ERP44: variants seen among roughly 807,000 people sequenced by gnomAD.
The protein encoded by ERP44 is endoplasmic reticulum resident protein 44.
In ERP44, 25 loss-of-function variants were observed where a neutral mutation model predicts 53.4. That is an observed-to-expected ratio of 0.47 (90% CI 0.34 to 0.65). The LOEUF (loss-of-function observed/expected upper bound fraction) is 0.65, where lower values mean the gene tolerates loss of function less well. Among genes scored for constraint, ERP44 ranks in the 30% least tolerant of loss-of-function variants. The probability of loss-of-function intolerance (pLI) is 0.01; values close to 1 mark genes in which losing one functional copy is unlikely to be tolerated. For synonymous variants in ERP44, 145 were observed against 161.2 expected (o/e 0.90, Z 0.76); for missense variants, 338 against 493.2 (o/e 0.69, Z 2.98).
At chr9:100,026,989 A>G (rs1830660409) in intron 4 of ERP44, among the ~76,000 whole-genome samples, 1 of 152,178 alleles carries the variant, frequency 6.6e-6, no homozygotes, top group Admixed American at 6.5e-5. Context: ...AGGGGGCGCA[A>G]TGAGAAAGTA....
intron 1 of ERP44, among the ~76,000 whole-genome samples, chr9:100,063,092 A>AG (rs1554709800): frequency 4.8e-5 from 7 of 145,238 alleles, no homozygotes; most frequent in Admixed American, 6.9e-5. Flanking sequence ...AAAAAAAAAA[A>AG]AGAGAGAGAG....
chr9:100,025,118 A>G (rs1036793949), intron 4 of ERP44, among the ~76,000 whole-genome samples: 1 of 152,218 alleles, frequency 6.6e-6, no homozygotes, highest in African/African-American at 2.4e-5. Context: ...TACAATTATT[A>G]AAGAACCCAA....
At chr9:100,042,739 A>G (rs186469109) in intron 4 of ERP44, among the ~76,000 whole-genome samples, 85 of 152,342 alleles carry the variant, frequency 5.6e-4, no homozygotes, top group Admixed American at 1.7e-3. Flanking sequence ...TAAAAAAAAG[A>G]ATGAGATCCT....
At chr9:99,999,188 C>G in intron 10 of ERP44, 1 of 507,782 alleles carries the variant, frequency 2.0e-6, no homozygotes, top group Non-Finnish European at 3.5e-6. Context: ...CGCCCCTCCC[C>G]CTCCGCTCAA....
intron 10 of ERP44, among the ~76,000 whole-genome samples, chr9:99,990,907 A>G (rs183497152): frequency 1.3e-5 from 2 of 152,222 alleles, no homozygotes; most frequent in African/African-American, 4.8e-5. Flanking sequence ...CAAAGATCAA[A>G]AGAGACAAAG....
intron 8 of ERP44, among the ~76,000 whole-genome samples, chr9:100,015,056 A>G (rs983907676): frequency 4.6e-5 from 7 of 152,164 alleles, no homozygotes; most frequent in African/African-American, 1.7e-4. Flanking sequence ...TGAGTTCACT[A>G]ATCCCATTCA....
intron 10 of ERP44, chr9:99,999,188 C>A (rs1830351249): frequency 2.0e-6 from 1 of 507,780 alleles, no homozygotes; most frequent in Non-Finnish European, 3.5e-6. Flanking sequence ...CGCCCCTCCC[C>A]CTCCGCTCAA....
At chr9:100,083,375 A>G (rs1826448027) in intron 1 of ERP44, among the ~76,000 whole-genome samples, 1 of 152,142 alleles carries the variant, frequency 6.6e-6, no homozygotes, top group Non-Finnish European at 1.5e-5. Context: ...CCTCCAAAAT[A>G]CATTATTAAA....
chr9:100,089,190 T>C lies in ERP44; in HGVS notation c.57+9594A>G, dbSNP rs138862352. ...GACATAACCCGCCCCTTATCAACTG[T>C]AGTGGTACTGGAATCACAATACTTG... On this transcript the variant is annotated intron_variant, in intron 1 of 11. Transcript: ENST00000262455. 3.5e-4 allele frequency among the ~76,000 whole-genome samples: 53 copies of C among 152,350 alleles called. No individual in the cohort carries two copies. In the East Asian group the frequency reaches 9.3e-3, roughly 27 times the overall value.
intron 10 of ERP44, among the ~76,000 whole-genome samples, chr9:99,989,517 C>A (rs145518947): frequency 0.018 from 2,675 of 152,274 alleles, 41 homozygotes; most frequent in Non-Finnish European, 0.028. Flanking sequence ...AAAGGACATT[C>A]ACACAAAAAC....
chr9:100,046,378 T>G (rs1322740565), intron 4 of ERP44, among the ~76,000 whole-genome samples: 1 of 152,112 alleles, frequency 6.6e-6, no homozygotes, highest in Non-Finnish European at 1.5e-5. Context: ...AAAATCCAAA[T>G]GTGCCATAGT....
chr9:100,094,657 CA>C (rs901274151), intron 1 of ERP44, among the ~76,000 whole-genome samples: 3 of 145,744 alleles, frequency 2.1e-5, no homozygotes, highest in Admixed American at 6.9e-5. Flanking sequence ...GACTCCAACT[CA>C]AAAAAAAAAT....
At chr9:100,048,952 G>T (rs1301580960) in intron 4 of ERP44, among the ~76,000 whole-genome samples, 1 of 152,036 alleles carries the variant, frequency 6.6e-6, no homozygotes, top group Non-Finnish European at 1.5e-5. Context: ...ACAACAATGT[G>T]AATACATTTA....
At chr9:100,076,745 T>G (rs1283796610) in intron 1 of ERP44, among the ~76,000 whole-genome samples, 1 of 152,238 alleles carries the variant, frequency 6.6e-6, no homozygotes, top group African/African-American at 2.4e-5. Flanking sequence ...TGAAGATATT[T>G]GTATCCCATG....
chr9:100,006,499 T>A lies in ERP44; in HGVS notation c.1016+7A>T, dbSNP rs202101315. 5.0e-5 allele frequency: 80 copies of A among 1,589,668 alleles called. No homozygotes were observed. The Middle Eastern group carries it at 1.2e-3, about 23-fold the overall frequency. ...AGTAATTTTTAAAAAACAAAATGAA[T>A]ACTCACAATACATCTTTGAAGTCTC... On this transcript the variant is annotated splice_region_variant and intron_variant, in intron 10 of 11. Transcript: ENST00000262455.
At chr9:100,046,170 A>G (rs1825965379) in intron 4 of ERP44, among the ~76,000 whole-genome samples, 1 of 152,156 alleles carries the variant, frequency 6.6e-6, no homozygotes, top group Non-Finnish European at 1.5e-5. Flanking sequence ...ATGAGAAAAA[A>G]AATACCAGGC....
chr9:100,001,381 C>A (rs1830375036), intron 10 of ERP44, among the ~76,000 whole-genome samples: 1 of 152,084 alleles, frequency 6.6e-6, no homozygotes, highest in South Asian at 2.1e-4. Flanking sequence ...CTATTTAAGT[C>A]CAAAATTTCC....
chr9:100,069,333 A>T (rs1303081783), intron 1 of ERP44, among the ~76,000 whole-genome samples: 2 of 115,742 alleles, frequency 1.7e-5, no homozygotes, highest in Non-Finnish European at 3.7e-5. Flanking sequence ...AAAAGAAAAA[A>T]GAAAAGAAGC....
chr9:99,982,075 C>CA lies in ERP44; in HGVS notation c.*536dup, dbSNP rs1253140409. The stretch of plus-strand genomic sequence containing the variant: ...ATGTTTAAGTTACACATTAAGAATC[C>CA]AAAAAAATACCACTATGGAATTTTC... On this transcript the variant is annotated 3_prime_UTR_variant, in exon 12 of 12. Coordinates refer to ENST00000262455, the MANE Select transcript of ERP44 (RefSeq NM_015051.3). 2 of 152,376 alleles carry CA rather than the reference C, an allele frequency of 1.3e-5. No individual in the cohort carries two copies. Among genetic ancestry groups the CA allele is most frequent in the Admixed American group, 6.5e-5 (1 of 15,270 alleles). 9.4% of individuals were successfully genotyped at this position (152,376 alleles called of 1,614,324 possible). A position where few individuals can be genotyped will look rare whatever the true frequency, so the allele number is the denominator to read the frequency against.
Sources: gnomAD v4.1 joint callset for allele counts (sites outside exome capture counted in the v4.1 genomes callset) on GRCh38, gnomAD v4.1.1 for gene constraint, MANE v1.5 for transcripts, NCBI Gene and HGNC (gene_info 2026-07-23, HGNC 2026-07-21) for gene names.